Variants in CSF2RA observed in about 807,000 individuals in gnomAD.
The protein encoded by CSF2RA is granulocyte-macrophage colony-stimulating factor receptor subunit alpha.
CSF2RA carries 42 observed loss-of-function variants against 51.6 expected under a neutral mutation model. The observed-to-expected ratio is 0.81, with a 90% CI of 0.64 to 1.05. The LOEUF is 1.05. CSF2RA is among the 50% of genes least tolerant of loss of function. The pLI, the probability that CSF2RA is intolerant of heterozygous loss-of-function variation, is 0.00. For synonymous variants in CSF2RA, 222 were observed against 193.0 expected (o/e 1.15, Z -1.24); for missense variants, 530 against 501.1 (o/e 1.06, Z -0.55).
At chrX:1,318,488 C>G in the CSF2RA span, among the ~76,000 whole-genome samples, 1 of 151,736 alleles carries the variant, frequency 6.6e-6, no homozygotes, top group African/African-American at 2.4e-5. Flanking sequence ...TCTCCACTGG[C>G]CAAAGGGTGG....
At chrX:1,305,952 T>C (rs560520202) in intron 12 of CSF2RA, 3 of 651,544 alleles carry the variant, frequency 4.6e-6, no homozygotes, top group East Asian at 2.8e-5. Context: ...TGTGGTGGTG[T>C]ACGCCTGAAA....
chrX:1,290,638 G>T, intron 7 of CSF2RA, 129 bp downstream of exon 7: 1 of 928,682 alleles, frequency 1.1e-6, no homozygotes, highest in South Asian at 1.3e-5. Flanking sequence ...GCCGAGGCGG[G>T]CCGATCACCT....
chrX:1,303,578 G>C (rs1381091680), intron 10 of CSF2RA, among the ~76,000 whole-genome samples: 2 of 152,024 alleles, frequency 1.3e-5, no homozygotes, highest in Non-Finnish European at 2.9e-5. Context: ...GTTTCACCAT[G>C]TTGGTCAGGC....
intron 9 of CSF2RA, 108 bp from the exon 10 acceptor site, chrX:1,300,382 AG>A: frequency 7.3e-7 from 1 of 1,362,234 alleles, no homozygotes; most frequent in Non-Finnish European, 1.0e-6. Flanking sequence ...AAGAAGAAAA[AG>A]AAAAAAAGAA....
chrX:1,317,102 A>G, the CSF2RA span, among the ~76,000 whole-genome samples: 1 of 151,614 alleles, frequency 6.6e-6, no homozygotes, highest in African/African-American at 2.4e-5. Context: ...GCCCACCACC[A>G]TGCCCGGCTA....
intron 1 of CSF2RA, 73 bp from the exon 2 acceptor site, chrX:1,274,682 A>T: frequency 2.2e-6 from 1 of 449,250 alleles, no homozygotes; most frequent in Non-Finnish European, 4.4e-6. Flanking sequence ...AATGCGAGGC[A>T]GGTTTGCCTA....
chrX:1,290,261 G>T, intron 6 of CSF2RA, 76 bp from the exon 7 acceptor site: 1 of 1,211,998 alleles, frequency 8.3e-7, no homozygotes, highest in Non-Finnish European at 1.2e-6. Flanking sequence ...TTTTGTGTTT[G>T]TTTTTGTTTT....
intron 12 of CSF2RA, among the ~76,000 whole-genome samples, chrX:1,307,317 A>AC (rs1450461700): frequency 6.6e-5 from 10 of 152,132 alleles, no homozygotes; most frequent in South Asian, 4.2e-4. Context: ...TCTCCTTTAC[A>AC]CTTTCGGCTG....
At position 1,309,486 on chromosome X, in the gene CSF2RA, G is replaced by C. The variant is rs138606330; in HGVS notation, c.*7G>C. The C allele has an allele frequency of 6.2e-7, 1 of 1,614,004 alleles. No homozygotes were observed. The highest frequency in any genetic ancestry group is 8.5e-7 in the Non-Finnish European group (1 of 1,179,872). ...CGTGAAGGAAATTACCTGAGACCCA[G>C]AGGGTGTAGGAATGGCATGGACATC... On this transcript the variant is annotated 3_prime_UTR_variant, in exon 13 of 13. Transcript: ENST00000381529.
chrX:1,294,342 C>T lies in CSF2RA; in HGVS notation c.661C>T (p.Pro221Ser). Reference protein sequence around the residue: ...DTKKIERFNPPSNVTVRCNTT... With the variant: ...DTKKIERFNPSSNVTVRCNTT... The stretch of plus-strand genomic sequence containing the variant: ...CCTCGTTACAGAACGATTCAACCCT[C>T]CCAGCAATGTCACCGTACGTTGCAA... Residue 221 changes from proline to serine, a missense_variant, in exon 8 of 13, where the codon CCC becomes TCC. Coordinates refer to ENST00000381529, the MANE Select transcript of CSF2RA (RefSeq NM_172245.4). 2.5e-6 allele frequency: 4 copies of T among 1,613,632 alleles called. No homozygotes were observed. Among genetic ancestry groups the T allele is most frequent in the African/African-American group, 1.3e-5 (1 of 75,024 alleles).
At chrX:1,288,176 A>C (rs750732135) in intron 4 of CSF2RA, among the ~76,000 whole-genome samples, 1 of 151,824 alleles carries the variant, frequency 6.6e-6, no homozygotes, top group South Asian at 2.1e-4. Flanking sequence ...CGTGTCGCCA[A>C]ATCCAGGTAA....
the CSF2RA span, among the ~76,000 whole-genome samples, chrX:1,317,481 C>G: frequency 6.8e-6 from 1 of 146,674 alleles, no homozygotes; most frequent in Non-Finnish European, 1.5e-5. Flanking sequence ...GAACTCCTGA[C>G]CTCAGGTGAT....
chrX:1,319,890 T>C, the CSF2RA span, among the ~76,000 whole-genome samples: 1 of 125,502 alleles, frequency 8.0e-6, no homozygotes, highest in Admixed American at 7.3e-5. Context: ...AATTTGTTTG[T>C]TTGTTTGTTT....
At chrX:1,315,955 ATAG>A in the CSF2RA span, among the ~76,000 whole-genome samples, 1 of 42,008 alleles carries the variant, frequency 2.4e-5, no homozygotes, top group Non-Finnish European at 5.5e-5. Context: ...ATGATAGATG[ATAG>A]ATAAATAGAT....
At chrX:1,305,751 A>G (rs757851115) in intron 12 of CSF2RA, 2 of 1,551,796 alleles carry the variant, frequency 1.3e-6, no homozygotes, top group South Asian at 1.2e-5. Flanking sequence ...ATCAGGAGAA[A>G]CTGAGGCAGG....
chrX:1,306,960 GAC>G (rs2083636725), intron 12 of CSF2RA, among the ~76,000 whole-genome samples: 1 of 151,528 alleles, frequency 6.6e-6, no homozygotes, highest in African/African-American at 2.4e-5. Flanking sequence ...GCAGATAAAA[GAC>G]ACACAGAGAC....
Position 1,283,521 on chromosome X carries a change from CTTTG to C in CSF2RA, c.76+746_76+749del, listed in dbSNP as rs1168231212. 2.9e-3 allele frequency among the ~76,000 whole-genome samples: 348 copies of C among 118,324 alleles called. 1 individual carries two copies. Among genetic ancestry groups the C allele is most frequent in the Non-Finnish European group, 4.4e-3 (259 of 58,770 alleles). 77.6% of individuals were successfully genotyped at this position (118,324 alleles called of 152,430 possible). ...TTCTTTCTCCTTTTTTTTTCTCCTT[CTTTG>C]TTTCTTTCTTCCTCTTTCTTCTTTC... is the stretch of plus-strand genomic sequence containing the variant. On this transcript the variant is annotated intron_variant, in intron 3 of 12. Coordinates refer to ENST00000381529, the MANE Select transcript of CSF2RA (RefSeq NM_172245.4).
intron 2 of CSF2RA, among the ~76,000 whole-genome samples, chrX:1,277,323 C>T (rs2089305365): frequency 1.3e-5 from 2 of 151,744 alleles, no homozygotes; most frequent in Admixed American, 1.3e-4. Flanking sequence ...GGCGGCCGGG[C>T]GCTGTGGCTC....
In CSF2RA at chrX:1,288,774, C is replaced by T; in HGVS notation, c.359C>T (p.Ala120Val). 6.2e-7 allele frequency: 1 copy of T among 1,613,922 alleles called. No individual in the cohort carries two copies. The highest frequency in any genetic ancestry group is 8.5e-7 in the Non-Finnish European group (1 of 1,179,866). ...LYPNSGREGT[A>V]AQNFSCFIYN... Reference sequence around the variant, plus strand: ...CTCTTCCCAGGAAGGGAGGGTACCGCTGCTCAGAATTTCTCCTGTTTCATC... The same window carrying T: ...CTCTTCCCAGGAAGGGAGGGTACCGTTGCTCAGAATTTCTCCTGTTTCATC... The change falls in exon 6 of 13, where the codon GCT becomes GTT. Residue 120 changes from alanine to valine, a missense_variant. By Grantham distance (64) the Ala-to-Val change is moderately conservative (BLOSUM62 0). Transcript: ENST00000381529.
Sources: allele counts gnomAD v4.1 joint callset (sites outside exome capture counted in the v4.1 genomes callset), GRCh38; gene constraint gnomAD v4.1.1; transcripts MANE v1.5; gene names NCBI Gene and HGNC (gene_info 2026-07-23, HGNC 2026-07-21).